The following PCDHGA10 variants were observed in gnomAD, a reference collection of about 807,000 sequenced individuals.
The protein encoded by PCDHGA10 is protocadherin gamma-A10.
Under a neutral mutation model 59.5 loss-of-function variants are expected in PCDHGA10, and 42 were observed. The observed-to-expected ratio is 0.71, with a 90% CI of 0.55 to 0.91. The LOEUF (loss-of-function observed/expected upper bound fraction) is 0.91. PCDHGA10 is among the 40% of genes least tolerant of loss of function. PCDHGA10 has a pLI of 0.00. For synonymous variants in PCDHGA10, 511 were observed against 517.2 expected, an observed-to-expected ratio of 0.99 and a Z score of 0.16; for missense variants, 1,111 against 1,198.2, an observed-to-expected ratio of 0.93 and a Z score of 1.07.
chr5:141,459,581 G>A (rs945690319), intron 1 of PCDHGA10, among the ~76,000 whole-genome samples: 1 of 152,138 alleles, frequency 6.6e-6, no homozygotes, highest in Non-Finnish European at 1.5e-5. Flanking sequence ...AATTGTTTTG[G>A]GGGTCATATG....
At chr5:141,481,606 C>T (rs2099540144) in intron 1 of PCDHGA10, among the ~76,000 whole-genome samples, 1 of 152,000 alleles carries the variant, frequency 6.6e-6, no homozygotes, top group South Asian at 2.1e-4. Context: ...TCACCTGAGG[C>T]CAGGAGTTCA....
At chr5:141,501,290 TACACACACACACACACAC>T (rs55762287) in intron 2 of PCDHGA10, among the ~76,000 whole-genome samples, 6 of 136,162 alleles carry the variant, frequency 4.4e-5, no homozygotes, top group South Asian at 2.4e-4. Flanking sequence ...TATTCCCTTA[TACACACACACACACACAC>T]ACACACACAC....
intron 1 of PCDHGA10, among the ~76,000 whole-genome samples, chr5:141,467,441 T>C (rs919148544): frequency 6.6e-6 from 1 of 152,340 alleles, no homozygotes; most frequent in African/African-American, 2.4e-5. Context: ...CATTCATTAC[T>C]TTTTTCTTCC....
In PCDHGA10 at chr5:141,489,203, C is replaced by A; in HGVS notation, c.2437-5604C>A. On this transcript the variant is annotated intron_variant, in intron 1 of 3. Transcript: ENST00000398610. The surrounding 1 kb of genome is among the most constrained non-coding windows in gnomAD (Gnocchi z 4.5). ...CCCTGGGTCTACCTTGGAGACAGGA[C>A]AGCACAGACTTACTCTCCACAAAGG... is the stretch of plus-strand genomic sequence containing the variant. 7.1e-7 allele frequency: 1 copy of A among 1,414,834 alleles called. No individual in the cohort carries two copies. Among genetic ancestry groups the A allele is most frequent in the Non-Finnish European group, 9.6e-7 (1 of 1,040,052 alleles). The allele number at this position is 1,414,834 out of a possible 1,614,324, so 87.6% of individuals were successfully genotyped here.
intron 1 of PCDHGA10, chr5:141,421,732 C>T: frequency 6.2e-7 from 1 of 1,613,934 alleles, no homozygotes; most frequent in Non-Finnish European, 8.5e-7. Flanking sequence ...GAACTCCCTC[C>T]AGAGCTACCA....
chr5:141,450,119 G>A (rs765403319), intron 1 of PCDHGA10, among the ~76,000 whole-genome samples: 2 of 148,920 alleles, frequency 1.3e-5, no homozygotes, highest in Non-Finnish European at 3.0e-5. Context: ...TGATTCTCCT[G>A]CCTTAGCCTC....
At position 141,511,871 on chromosome 5, in the gene PCDHGA10, A is replaced by T. The variant is rs1306732557; in HGVS notation, c.*698A>T. On this transcript the variant is annotated 3_prime_UTR_variant, in exon 4 of 4. Coordinates refer to ENST00000398610, the MANE Select transcript of PCDHGA10 (RefSeq NM_018913.3). ...TTGTTTTTCATTGTTTGACGTTTCCACTGCATGCCTTGACTTCCCCCACCT... is the reference window on the plus strand; with the variant it reads ...TTGTTTTTCATTGTTTGACGTTTCCTCTGCATGCCTTGACTTCCCCCACCT... 1 of 156,376 alleles carries T rather than the reference A, an allele frequency of 6.4e-6. No homozygotes were observed. The highest frequency in any genetic ancestry group is 1.9e-4 in the East Asian group (1 of 5,268). 9.7% of individuals were successfully genotyped at this position (156,376 alleles called of 1,614,324 possible).
chr5:141,495,939 G>A (rs1408330065), intron 2 of PCDHGA10, among the ~76,000 whole-genome samples: 1 of 151,994 alleles, frequency 6.6e-6, no homozygotes, highest in Non-Finnish European at 1.5e-5. Context: ...TCTGGTCTCT[G>A]TGCCTGTTGT....
intron 1 of PCDHGA10, 85 bp downstream of exon 1, chr5:141,415,696 G>A (rs867312295): frequency 2.9e-6 from 4 of 1,397,470 alleles, no homozygotes; most frequent in Non-Finnish European, 3.8e-6. Flanking sequence ...GGTGGAAAGT[G>A]TAAATGCTAA....
Position 141,431,461 on chromosome 5 carries a change from T to C in PCDHGA10, c.2436+15850T>C, listed in dbSNP as rs1477501293. 1 of 1,613,800 alleles carries C rather than the reference T, an allele frequency of 6.2e-7. No individual in the cohort carries two copies. Among genetic ancestry groups the C allele is most frequent in the Admixed American group, 1.7e-5 (1 of 60,032 alleles). ...CGCGCATCCGCGTGATGGTTCTGGA[T>C]GCGAACGACAACGCACCAGCGTTTG... On this transcript the variant is annotated intron_variant, in intron 1 of 3. Transcript: ENST00000398610. The surrounding 1 kb of genome is among the most constrained non-coding windows in gnomAD (Gnocchi z 4.8).
chr5:141,432,560 A>C lies in PCDHGA10; in HGVS notation c.2436+16949A>C. The C allele has an allele frequency of 2.5e-6, 4 of 1,613,600 alleles. No individual in the cohort carries two copies. Among genetic ancestry groups the C allele is most frequent in the Non-Finnish European group, 3.4e-6 (4 of 1,179,962 alleles). ...GGCGGTGGACAGAGACTCCGGCCAG[A>C]ACGCCTGGCTGTCCTACCGTCTGCT... On this transcript the variant is annotated intron_variant, in intron 1 of 3. Transcript: ENST00000398610. The surrounding 1 kb of genome is among the most constrained non-coding windows in gnomAD (Gnocchi z 6.0).
chr5:141,501,441 A>G (rs547792017), intron 2 of PCDHGA10, among the ~76,000 whole-genome samples: 1 of 151,898 alleles, frequency 6.6e-6, no homozygotes, highest in African/African-American at 2.4e-5. Context: ...CATTTCTTCC[A>G]TTTTTACTTT....
At position 141,477,868 on chromosome 5, in the gene PCDHGA10, C is replaced by G; in HGVS notation, c.2437-16939C>G. Reference sequence around the variant, plus strand: ...CGGTGGAGATGCTGCCTCGAGGTACCTCAGCTGGCCACCTAGTGTCACGGG... The same window carrying G: ...CGGTGGAGATGCTGCCTCGAGGTACGTCAGCTGGCCACCTAGTGTCACGGG... On this transcript the variant is annotated intron_variant, in intron 1 of 3. Coordinates refer to ENST00000398610, the MANE Select transcript of PCDHGA10 (RefSeq NM_018913.3). The surrounding 1 kb of genome is among the most constrained non-coding windows in gnomAD (Gnocchi z 4.9). 1 of 1,613,750 alleles carries G rather than the reference C, an allele frequency of 6.2e-7. No individual in the cohort carries two copies. Among genetic ancestry groups the G allele is most frequent in the Non-Finnish European group, 8.5e-7 (1 of 1,179,908 alleles).
At chr5:141,494,755 C>T (rs1246224213) in intron 1 of PCDHGA10, 52 bp from the exon 2 acceptor site, 18 of 1,613,724 alleles carry the variant, frequency 1.1e-5, no homozygotes, top group African/African-American at 1.3e-5. Context: ...GCTCGGGTGA[C>T]ATTCTAACTT....
At chr5:141,424,022 AAC>A (rs1390245883) in intron 1 of PCDHGA10, 1 of 1,046,586 alleles carries the variant, frequency 9.6e-7, no homozygotes, top group Non-Finnish European at 1.2e-6. Flanking sequence ...ATGATTCACA[AAC>A]ACTTTTTATT....
At position 141,415,161 on chromosome 5, in the gene PCDHGA10, C is replaced by T. The variant is rs1391561235; in HGVS notation, c.1986C>T (p.Val662=). 1 of 1,613,864 alleles carries T rather than the reference C, an allele frequency of 6.2e-7. No homozygotes were observed. Among genetic ancestry groups the T allele is most frequent in the Admixed American group, 1.7e-5 (1 of 60,034 alleles). Residue 662 remains valine (V), a synonymous_variant, in exon 1 of 4, where the codon GTC becomes GTT. Transcript: ENST00000398610. ...DHGQPPLSAT[V]TLTVAVADSI... is the part of the protein sequence containing the mutation. ...GCCAGCCCCCTCTCTCCGCCACTGT[C>T]ACGCTCACCGTGGCCGTGGCCGACA...
chr5:141,489,793 C>G lies in PCDHGA10; in HGVS notation c.2437-5014C>G. On this transcript the variant is annotated intron_variant, in intron 1 of 3. Transcript: ENST00000398610. This position sits in a 1 kb window ranked among gnomAD's most constrained non-coding sequence, Gnocchi z 4.5. ...CCACTTCTCTCTGAATGTGAAGACC[C>G]TAAAAGATGGGAAGCCATTCCCAGA... 1 of 1,614,160 alleles carries G rather than the reference C, an allele frequency of 6.2e-7. No individual in the cohort carries two copies. The highest frequency in any genetic ancestry group is 1.1e-5 in the South Asian group (1 of 91,078).
intron 1 of PCDHGA10, among the ~76,000 whole-genome samples, chr5:141,453,643 T>G (rs1267570786): frequency 2.6e-5 from 4 of 152,240 alleles, no homozygotes; most frequent in Non-Finnish European, 5.9e-5. Flanking sequence ...TATATTTTCT[T>G]ATGTCCTCTT....
chr5:141,481,167 A>C (rs77180710), intron 1 of PCDHGA10, among the ~76,000 whole-genome samples: 2,577 of 152,328 alleles, frequency 0.017, 78 homozygotes, highest in African/African-American at 0.059. Flanking sequence ...GCAGAACCAG[A>C]ATCCAGCTTT....
Sources: allele counts gnomAD v4.1 joint callset (sites outside exome capture counted in the v4.1 genomes callset), GRCh38; gene constraint gnomAD v4.1.1; non-coding constraint Gnocchi (gnomAD v3.1); transcripts MANE v1.5; gene names NCBI Gene and HGNC (gene_info 2026-07-23, HGNC 2026-07-21).